The following SLC5A4 variants were observed in gnomAD, a reference collection of about 807,000 sequenced individuals.
SLC5A4 encodes the protein solute carrier family 5 member 4.
SLC5A4 carries 55 observed loss-of-function variants against 70.3 expected under a neutral mutation model. The ratio of observed to expected loss-of-function variants is 0.78; its 90% CI spans 0.63 to 0.98. SLC5A4 has a LOEUF of 0.98. Ranked by LOEUF, SLC5A4 falls within the 50% of genes least tolerant of loss-of-function variation. SLC5A4 has a pLI of 0.00. For synonymous variants in SLC5A4, 268 were observed against 305.7 expected, an observed-to-expected ratio of 0.88 and a Z score of 1.29; for missense variants, 735 against 839.2, an observed-to-expected ratio of 0.88 and a Z score of 1.53.
the SLC5A4 span, among the ~76,000 whole-genome samples, chr22:32,304,360 C>T: frequency 1.8e-3 from 279 of 152,198 alleles, no homozygotes; most frequent in African/African-American, 6.2e-3. Flanking sequence ...AGACTGGTCT[C>T]GAACTCCTGA....
In SLC5A4 at chr22:32,218,526, G is replaced by C. The variant is rs1388582023; in HGVS notation, c.1968C>G (p.Gly656=). ...GCTCAGATAGAGTTCAGGCATAGTA[G>C]CCGTGAATAAAGACCACCACAGCCA... ...LLLAVVVFIH[G]YYA Residue 656 remains glycine, a synonymous_variant, in exon 15 of 15, where the codon GGC becomes GGG. Transcript: ENST00000266086. The C allele has an allele frequency of 6.2e-7, 1 of 1,603,610 alleles. No homozygotes were observed. Among genetic ancestry groups the C allele is most frequent in the Non-Finnish European group, 8.5e-7 (1 of 1,173,472 alleles).
the SLC5A4 span, chr22:32,270,073 A>C: frequency 5.5e-5 from 27 of 493,420 alleles, no homozygotes; most frequent in South Asian, 4.8e-4. Flanking sequence ...CTCACAGAAG[A>C]AGCGAGTGGA....
At chr22:32,248,491 G>T (rs1041095297) in intron 4 of SLC5A4, among the ~76,000 whole-genome samples, 3 of 151,992 alleles carry the variant, frequency 2.0e-5, no homozygotes, top group African/African-American at 7.2e-5. Flanking sequence ...CCTGTTGACC[G>T]ACTTCTCTTC....
the SLC5A4 span, among the ~76,000 whole-genome samples, chr22:32,317,833 A>G: frequency 3.3e-5 from 5 of 152,198 alleles, no homozygotes; most frequent in African/African-American, 9.7e-5. Context: ...AGCAGGAGAT[A>G]TAATACATAG....
chr22:32,279,276 A>AAAAAAC, the SLC5A4 span, among the ~76,000 whole-genome samples: 5 of 152,270 alleles, frequency 3.3e-5, no homozygotes, highest in Non-Finnish European at 7.3e-5. Flanking sequence ...ACTCCGTCTC[A>AAAAAAC]AAAAACAAAA....
chr22:32,272,200 T>C, the SLC5A4 span: 8 of 749,960 alleles, frequency 1.1e-5, no homozygotes, highest in Admixed American at 3.7e-5. Context: ...GAGGAGGTCA[T>C]GTCCTGAGGG....
chr22:32,292,297 T>C, the SLC5A4 span, among the ~76,000 whole-genome samples: 3 of 140,054 alleles, frequency 2.1e-5, no homozygotes, highest in African/African-American at 7.9e-5. Context: ...TAATATATAC[T>C]AGATATTATA....
chr22:32,301,031 T>C, the SLC5A4 span, among the ~76,000 whole-genome samples: 54,550 of 152,002 alleles, frequency 0.36, 10,088 homozygotes, highest in Admixed American at 0.43. Context: ...GGCATGATCT[T>C]GGCTCACTGC....
the SLC5A4 span, among the ~76,000 whole-genome samples, chr22:32,346,654 T>G: frequency 7.4e-6 from 1 of 135,452 alleles, no homozygotes; most frequent in Non-Finnish European, 1.5e-5. Flanking sequence ...TAGCCATATG[T>G]AGAAAGCTGA....
Position 32,236,913 on chromosome 22 carries a change from C to A in SLC5A4, c.664+331G>T, listed in dbSNP as rs1304350810. On this transcript the variant is annotated intron_variant, in intron 7 of 14. Transcript: ENST00000266086. ...TAGAGACGGGGTTTCACCACGTTAG[C>A]CAGGATGGCCTCGATCTCCTGACCT... Among the ~76,000 whole-genome samples, 3 of 152,054 alleles carry A rather than the reference C, an allele frequency of 2.0e-5. No homozygotes were observed. In the South Asian group the frequency reaches 6.2e-4, roughly 32 times the overall value.
At chr22:32,291,072 T>C in the SLC5A4 span, among the ~76,000 whole-genome samples, 6 of 152,134 alleles carry the variant, frequency 3.9e-5, no homozygotes, top group Non-Finnish European at 7.4e-5. Flanking sequence ...TTGCCAGGGA[T>C]TTATCAATTT....
chr22:32,276,416 G>C, the SLC5A4 span, among the ~76,000 whole-genome samples: 2 of 152,156 alleles, frequency 1.3e-5, no homozygotes, highest in Non-Finnish European at 2.9e-5. Flanking sequence ...TTGTATTATA[G>C]TTTGCTAAGC....
At chr22:32,242,391 C>A (rs1926582322) in intron 5 of SLC5A4, among the ~76,000 whole-genome samples, 1 of 152,126 alleles carries the variant, frequency 6.6e-6, no homozygotes, top group Non-Finnish European at 1.5e-5. Flanking sequence ...TTGAGGAACT[C>A]TCACTGGCCA....
the SLC5A4 span, among the ~76,000 whole-genome samples, chr22:32,319,533 C>G: frequency 2.6e-5 from 4 of 152,310 alleles, no homozygotes; most frequent in African/African-American, 7.2e-5. Flanking sequence ...AACTGCAGAC[C>G]TTTGGATTCC....
chr22:32,265,396 A>G, the SLC5A4 span, among the ~76,000 whole-genome samples: 1 of 151,708 alleles, frequency 6.6e-6, no homozygotes, highest in African/African-American at 2.4e-5. Flanking sequence ...TCAAGAAAAA[A>G]AAATTTGCTT....
chr22:32,230,567 C>T (rs1925688206), intron 10 of SLC5A4, among the ~76,000 whole-genome samples: 1 of 151,942 alleles, frequency 6.6e-6, no homozygotes, highest in East Asian at 1.9e-4. Flanking sequence ...CCCAAAAATG[C>T]CCCCCAAAAA....
chr22:32,353,438 G>A, the SLC5A4 span, among the ~76,000 whole-genome samples: 85 of 152,210 alleles, frequency 5.6e-4, no homozygotes, highest in Non-Finnish European at 8.1e-4. Context: ...TCTAGGTGAC[G>A]GATTGTGCTC....
intron 11 of SLC5A4, 38 bp downstream of exon 11, chr22:32,229,156 C>A (rs1457996656): frequency 6.3e-7 from 1 of 1,598,730 alleles, no homozygotes; most frequent in East Asian, 2.2e-5. Context: ...GTCTGTACTT[C>A]TCCAGAGGAT....
the SLC5A4 span, among the ~76,000 whole-genome samples, chr22:32,293,057 A>G: frequency 8.5e-5 from 13 of 152,246 alleles, no homozygotes; most frequent in African/African-American, 3.1e-4. Context: ...CTCATCTTTA[A>G]GTATACTTTA....
Sources: allele counts gnomAD v4.1 joint callset (sites outside exome capture counted in the v4.1 genomes callset), GRCh38; gene constraint gnomAD v4.1.1; transcripts MANE v1.5; gene names NCBI Gene and HGNC (gene_info 2026-07-23, HGNC 2026-07-21).